Variants in CNNM4 observed in about 807,000 individuals in gnomAD.
CNNM4 encodes metal transporter CNNM4.
CNNM4 carries 32 observed loss-of-function variants against 53.7 expected under a neutral mutation model. The ratio of observed to expected loss-of-function variants is 0.60; its 90% CI spans 0.45 to 0.80. The LOEUF is 0.80. Ranked by LOEUF, CNNM4 falls within the 30% of genes least tolerant of loss-of-function variation. The pLI, the probability that CNNM4 is intolerant of heterozygous loss-of-function variation, is 0.00. For synonymous variants in CNNM4, 410 were observed against 440.0 expected (o/e 0.93, Z 0.85); for missense variants, 784 against 1,022.0 (o/e 0.77, Z 3.17).
rs1434113461 is a variant in CNNM4, at chr2:96,808,693, A to G, written c.2081A>G (p.Tyr694Cys). ...TTTGGCAGCTCTGTCCTGGGCCAGT[A>G]CATCTCTGACTTCAGCGTCCGGGCA... ...NQFGSSVLGQ[Y>C]ISDFSVRALV... The change falls in exon 6 of 7, where the codon TAC (tyrosine) becomes TGC (cysteine). Residue 694 changes from tyrosine to cysteine, a missense_variant. Transcript: ENST00000377075. The surrounding 1 kb of genome is among the most constrained non-coding windows in gnomAD (Gnocchi z 4.9). 6.2e-7 allele frequency: 1 copy of G among 1,614,070 alleles called. No homozygotes were observed. The highest frequency in any genetic ancestry group is 8.5e-7 in the Non-Finnish European group (1 of 1,180,034).
At position 96,792,474 on chromosome 2, in the gene CNNM4, T is replaced by C. The variant is rs1042181881; in HGVS notation, c.1403-4538T>C. ...CTCCCCTTCCCCTCACTGGTTACTT[T>C]TCTCCTCCTGCTAAATGGATGTAGA... is the stretch of plus-strand genomic sequence containing the variant. On this transcript the variant is annotated intron_variant, in intron 1 of 6. Transcript: ENST00000377075. Among the ~76,000 whole-genome samples the C allele has an allele frequency of 2.6e-5, 4 of 151,978 alleles. No individual in the cohort carries two copies. The East Asian group carries it at 5.8e-4, about 22-fold the overall frequency.
At chr2:96,777,236 G>A (rs761495332) in intron 1 of CNNM4, among the ~76,000 whole-genome samples, 2 of 151,692 alleles carry the variant, frequency 1.3e-5, no homozygotes, top group Non-Finnish European at 2.9e-5. Context: ...GGCCAGGATG[G>A]TCTCAATCTC....
At position 96,801,419 on chromosome 2, in the gene CNNM4, C is replaced by T. The variant is rs566879475; in HGVS notation, c.1948+1771C>T. ...ATACAGATACACATAGCCATAGATA[C>T]ACGCAGAGACACACACAGTGAGAGA... On this transcript the variant is annotated intron_variant, in intron 5 of 6. Transcript: ENST00000377075. The surrounding 1 kb of genome is among the most constrained non-coding windows in gnomAD (Gnocchi z 5.6). Among the ~76,000 whole-genome samples, 37 of 152,132 alleles carry T rather than the reference C, an allele frequency of 2.4e-4. No homozygotes were observed. Among genetic ancestry groups the T allele is most frequent in the African/African-American group, 8.4e-4 (35 of 41,476 alleles).
At chr2:96,763,589 C>G (rs895323102) in intron 1 of CNNM4, among the ~76,000 whole-genome samples, 1 of 152,108 alleles carries the variant, frequency 6.6e-6, no homozygotes, top group African/African-American at 2.4e-5. Context: ...GGAGGGACTT[C>G]GGAATCCTAG....
At chr2:96,795,995 A>G (rs1174506371) in intron 1 of CNNM4, among the ~76,000 whole-genome samples, 1 of 152,050 alleles carries the variant, frequency 6.6e-6, no homozygotes, top group Non-Finnish European at 1.5e-5. Flanking sequence ...CTTTGGGTTG[A>G]GGGGGTGGCC....
chr2:96,797,343 C>T lies in CNNM4; in HGVS notation c.1547-170C>T, dbSNP rs2079112773. Among the ~76,000 whole-genome samples the T allele has an allele frequency of 6.6e-6, 1 of 152,234 alleles. No individual in the cohort carries two copies. Among genetic ancestry groups the T allele is most frequent in the Non-Finnish European group, 1.5e-5 (1 of 68,034 alleles). On this transcript the variant is annotated intron_variant, in intron 2 of 6. Transcript: ENST00000377075. This position sits in a 1 kb window ranked among gnomAD's most constrained non-coding sequence, Gnocchi z 6.0. Reference sequence around the variant, plus strand: ...GCTGAGAGCAGTGCCCGGAGGCTGCCTTCACCCTCGGCCTTTGTGCCTCGG... The same window carrying T: ...GCTGAGAGCAGTGCCCGGAGGCTGCTTTCACCCTCGGCCTTTGTGCCTCGG...
At position 96,811,792 on chromosome 2, in the gene CNNM4, CTT is replaced by C. The variant is rs2079260525; in HGVS notation, c.*2278_*2279del. The C allele has an allele frequency of 1.3e-5, 2 of 152,484 alleles. No individual in the cohort carries two copies. Among genetic ancestry groups the C allele is most frequent in the South Asian group, 4.2e-4 (2 of 4,804 alleles). The allele number at this position is 152,484 out of a possible 1,614,324, so 9.4% of individuals were successfully genotyped here. A position where few individuals can be genotyped will look rare whatever the true frequency, so the allele number is the denominator to read the frequency against. ...AGTTTTGTTGTTATGACTCTTGTGT[CTT>C]TTGTCACAAAACAATGATATTTGCT... On this transcript the variant is annotated 3_prime_UTR_variant, in exon 7 of 7. Coordinates refer to ENST00000377075, the MANE Select transcript of CNNM4 (RefSeq NM_020184.4).
intron 1 of CNNM4, among the ~76,000 whole-genome samples, chr2:96,771,192 C>T (rs1406939939): frequency 6.6e-6 from 1 of 152,040 alleles, no homozygotes; most frequent in African/African-American, 2.4e-5. Flanking sequence ...AATGTACTGT[C>T]GTGGAGAGGG....
chr2:96,786,413 CA>C (rs774326774), intron 1 of CNNM4, among the ~76,000 whole-genome samples: 4,816 of 97,548 alleles, frequency 0.049, 222 homozygotes, highest in African/African-American at 0.15. Flanking sequence ...GACTCTGTCT[CA>C]AAAAAAAAAA....
At chr2:96,789,642 A>G (rs1052832898) in intron 1 of CNNM4, among the ~76,000 whole-genome samples, 1 of 152,146 alleles carries the variant, frequency 6.6e-6, no homozygotes, top group Non-Finnish European at 1.5e-5. Context: ...GGGGAGGCTC[A>G]GGAACCCTGA....
chr2:96,797,920 G>T lies in CNNM4; in HGVS notation c.1681+273G>T, dbSNP rs2079119447. Among the ~76,000 whole-genome samples, 1 of 152,214 alleles carries T rather than the reference G, an allele frequency of 6.6e-6. No homozygotes were observed. Among genetic ancestry groups the T allele is most frequent in the Non-Finnish European group, 1.5e-5 (1 of 68,038 alleles). On this transcript the variant is annotated intron_variant, in intron 3 of 6. Transcript: ENST00000377075. The surrounding 1 kb of genome is among the most constrained non-coding windows in gnomAD (Gnocchi z 6.0). ...TTGGGAAATAATGACTAGGCACTAT[G>T]GCTTATACCTGTAATCCCAGCACTT...
At chr2:96,774,800 C>T (rs1279683557) in intron 1 of CNNM4, among the ~76,000 whole-genome samples, 2 of 151,728 alleles carry the variant, frequency 1.3e-5, no homozygotes, top group African/African-American at 4.8e-5. Flanking sequence ...CACATCTCTA[C>T]TAAAAATACA....
Position 96,809,714 on chromosome 2 carries a change from C to G in CNNM4, c.*197C>G. 1 of 552,588 alleles carries G rather than the reference C, an allele frequency of 1.8e-6. No individual in the cohort carries two copies. The highest frequency in any genetic ancestry group is 3.2e-5 in the Admixed American group (1 of 31,742). The allele number at this position is 552,588 out of a possible 1,614,324, so 34.2% of individuals were successfully genotyped here. On this transcript the variant is annotated 3_prime_UTR_variant, in exon 7 of 7. Transcript: ENST00000377075. ...AGCTCTGAGGTGGCACTGTCCAGCC[C>G]TGGATAGGGGGGGCAGTGGGCCAGC...
At chr2:96,763,862 G>T (rs1287370978) in intron 1 of CNNM4, among the ~76,000 whole-genome samples, 1 of 150,174 alleles carries the variant, frequency 6.7e-6, no homozygotes, top group Non-Finnish European at 1.5e-5. Flanking sequence ...ACCCCTAGTG[G>T]TGAAGGCAGA....
chr2:96,767,345 C>T (rs2078827864), intron 1 of CNNM4, among the ~76,000 whole-genome samples: 1 of 152,158 alleles, frequency 6.6e-6, no homozygotes, highest in South Asian at 2.1e-4. Flanking sequence ...AACCTTGGCC[C>T]TTCCGCTTAA....
chr2:96,783,880 G>A (rs981574966), intron 1 of CNNM4, among the ~76,000 whole-genome samples: 1 of 152,078 alleles, frequency 6.6e-6, no homozygotes, highest in South Asian at 2.1e-4. Context: ...AAAATACAAA[G>A]AATGTAAAGA....
At chr2:96,790,841 T>C (rs111237064) in intron 1 of CNNM4, among the ~76,000 whole-genome samples, 13,124 of 151,384 alleles carry the variant, frequency 0.087, 632 homozygotes, top group Middle Eastern at 0.16. Flanking sequence ...AAAATCCAGC[T>C]GGGCACAGTG....
At chr2:96,789,708 T>C (rs1333776277) in intron 1 of CNNM4, among the ~76,000 whole-genome samples, 1 of 151,814 alleles carries the variant, frequency 6.6e-6, no homozygotes, top group Admixed American at 6.6e-5. Context: ...TAATTTTTTT[T>C]TTTTTTGAGA....
At chr2:96,778,115 C>T (rs569074459) in intron 1 of CNNM4, among the ~76,000 whole-genome samples, 96 of 151,666 alleles carry the variant, frequency 6.3e-4, no homozygotes, top group African/African-American at 2.2e-3. Context: ...GATCTGCCCA[C>T]CTTGCCCTCC....
Sources: allele counts gnomAD v4.1 joint callset (sites outside exome capture counted in the v4.1 genomes callset), GRCh38; gene constraint gnomAD v4.1.1; non-coding constraint Gnocchi (gnomAD v3.1); transcripts MANE v1.5; gene names NCBI Gene and HGNC (gene_info 2026-07-23, HGNC 2026-07-21).